Variants in ADGRL2 observed in about 807,000 individuals in gnomAD.
The protein encoded by ADGRL2 is calcium-independent alpha-latrotoxin receptor 2.
Under a neutral mutation model 157.4 loss-of-function variants are expected in ADGRL2, and 44 were observed. The ratio of observed to expected loss-of-function variants is 0.28; its 90% confidence interval spans 0.22 to 0.36. The LOEUF (loss-of-function observed/expected upper bound fraction) is 0.36, where lower values mean the gene tolerates loss of function less well. ADGRL2 is among the 10% of genes least tolerant of loss of function. The pLI is 1.00. For missense variants in ADGRL2, 1,510 were observed against 1,768.9 expected, an observed-to-expected ratio of 0.85 and a Z score of 2.63; for synonymous variants, 585 against 624.7, an observed-to-expected ratio of 0.94 and a Z score of 0.95.
intron 1 of ADGRL2, among the ~76,000 whole-genome samples, chr1:81,425,118 A>T (rs2077188608): frequency 6.6e-6 from 1 of 152,228 alleles, no homozygotes; most frequent in Admixed American, 6.5e-5. Flanking sequence ...TAAAAGAATG[A>T]GAGAGAGACA....
chr1:81,415,052 A>T (rs1470632891), intron 1 of ADGRL2, among the ~76,000 whole-genome samples: 2 of 152,240 alleles, frequency 1.3e-5, no homozygotes, highest in African/African-American at 2.4e-5. Context: ...CACCTTTCAG[A>T]AAAGGAACCT....
intron 3 of ADGRL2, among the ~76,000 whole-genome samples, chr1:81,691,797 C>A (rs1160351419): frequency 6.6e-6 from 1 of 150,970 alleles, no homozygotes; most frequent in African/African-American, 2.4e-5. Flanking sequence ...CCATGCCCAG[C>A]CCTCTTTTTA....
chr1:81,781,618 G>A (rs2086815825), intron 2 of ADGRL2, among the ~76,000 whole-genome samples: 1 of 152,248 alleles, frequency 6.6e-6, no homozygotes, highest in South Asian at 2.1e-4. Context: ...GGTTACAGAT[G>A]GGAGGAAGAT....
intron 3 of ADGRL2, among the ~76,000 whole-genome samples, chr1:81,641,888 C>G (rs1296120309): frequency 1.3e-5 from 2 of 151,758 alleles, no homozygotes; most frequent in African/African-American, 4.8e-5. Context: ...ATCAACAAAC[C>G]AAAATCTGGT....
chr1:81,803,364 G>T (rs2088599663), intron 1 of ADGRL2, among the ~76,000 whole-genome samples: 1 of 152,146 alleles, frequency 6.6e-6, no homozygotes, highest in African/African-American at 2.4e-5. Context: ...CCAGACTGCG[G>T]GGTGGGGGTG....
chr1:81,614,696 G>C (rs1202869357), intron 3 of ADGRL2, among the ~76,000 whole-genome samples: 1 of 152,110 alleles, frequency 6.6e-6, no homozygotes, highest in African/African-American at 2.4e-5. Context: ...CTAACAAAAA[G>C]GAAGAGGTTG....
At chr1:81,692,177 C>T (rs749378595) in intron 3 of ADGRL2, among the ~76,000 whole-genome samples, 16 of 151,830 alleles carry the variant, frequency 1.1e-4, no homozygotes, top group Admixed American at 3.3e-4. Context: ...GAGGCCAAGG[C>T]GGGCAGATCA....
At chr1:81,735,864 GCTGGGC>G (rs2084880774) in intron 1 of ADGRL2, among the ~76,000 whole-genome samples, 1 of 151,896 alleles carries the variant, frequency 6.6e-6, no homozygotes. Flanking sequence ...CAAACTGACG[GCTGGGC>G]GCGGTGGCTT....
chr1:81,531,108 G>C (rs1262799154), intron 2 of ADGRL2, among the ~76,000 whole-genome samples: 1 of 151,538 alleles, frequency 6.6e-6, no homozygotes, highest in African/African-American at 2.4e-5. Flanking sequence ...AGAAAGAAAG[G>C]TAAATGCCTA....
chr1:81,678,110 A>G (rs890374503), intron 3 of ADGRL2, among the ~76,000 whole-genome samples: 1 of 152,176 alleles, frequency 6.6e-6, no homozygotes, highest in Non-Finnish European at 1.5e-5. Context: ...GGAAGAATTT[A>G]TCATTCCTGC....
intron 1 of ADGRL2, among the ~76,000 whole-genome samples, chr1:81,423,395 C>T (rs1236189562): frequency 6.6e-6 from 1 of 152,098 alleles, no homozygotes; most frequent in Non-Finnish European, 1.5e-5. Flanking sequence ...AGATGCAGGA[C>T]CTATACCTAC....
intron 3 of ADGRL2, 112 bp downstream of exon 3, chr1:81,907,342 A>T (rs1056989227): frequency 7.2e-5 from 62 of 859,204 alleles, no homozygotes; most frequent in Non-Finnish European, 1.1e-4. Context: ...CTATTTATTA[A>T]ACTGAGTTGG....
At chr1:81,576,788 A>ATATGTG in intron 2 of ADGRL2, among the ~76,000 whole-genome samples, 1 of 152,278 alleles carries the variant, frequency 6.6e-6, no homozygotes, top group Admixed American at 6.5e-5. Context: ...ATATGTATGT[A>ATATGTG]TATGTGTATG....
intron 3 of ADGRL2, among the ~76,000 whole-genome samples, chr1:81,636,576 C>G (rs977008424): frequency 2.6e-5 from 4 of 152,076 alleles, no homozygotes; most frequent in African/African-American, 9.6e-5. Flanking sequence ...TAAATTTTTA[C>G]CATGTTCTCG....
In ADGRL2 at chr1:81,526,053, G is replaced by A. The variant is rs199585369; in HGVS notation, c.-247-54823G>A. Among the ~76,000 whole-genome samples the A allele has an allele frequency of 5.3e-5, 8 of 152,020 alleles. No individual in the cohort carries two copies. The East Asian group carries it at 1.5e-3, about 29-fold the overall frequency. ...AGATCATGGAGCTGCCACTCACTGTGTCTTCCCAGTTTAATTGGACAAAGA... is the reference window on the plus strand; with the variant it reads ...AGATCATGGAGCTGCCACTCACTGTATCTTCCCAGTTTAATTGGACAAAGA... On this transcript the variant is annotated intron_variant, in intron 2 of 24. Coordinates refer to the ADGRL2 transcript ENST00000370721.
chr1:81,950,132 A>G (rs1651287109), intron 6 of ADGRL2, 57 bp from the exon 7 acceptor site: 1 of 1,423,226 alleles, frequency 7.0e-7, no homozygotes. Flanking sequence ...TGTGTGCATG[A>G]CTGTATGTGA....
intron 11 of ADGRL2, among the ~76,000 whole-genome samples, chr1:81,963,166 CTTCTT>C (rs543830788): frequency 0.13 from 14,904 of 117,052 alleles, 1,020 homozygotes; most frequent in Middle Eastern, 0.26. Flanking sequence ...ACAACTTATA[CTTCTT>C]TTTTTTATTA....
chr1:81,376,189 G>T (rs2101018795), intron 1 of ADGRL2, among the ~76,000 whole-genome samples: 1 of 152,280 alleles, frequency 6.6e-6, no homozygotes, highest in East Asian at 1.9e-4. Context: ...ATTCAAAACT[G>T]TAAAATCCAA....
intron 2 of ADGRL2, among the ~76,000 whole-genome samples, chr1:81,900,159 A>C (rs116196485): frequency 2.0e-5 from 3 of 152,204 alleles, no homozygotes; most frequent in Non-Finnish European, 2.9e-5. Context: ...ATTCATAATC[A>C]GGAAATATTT....
Sources: gnomAD v4.1 joint callset for allele counts (sites outside exome capture counted in the v4.1 genomes callset) on GRCh38, gnomAD v4.1.1 for gene constraint, MANE v1.5 for transcripts, NCBI Gene and HGNC (gene_info 2026-07-23, HGNC 2026-07-21) for gene names.